The following COX7B variants were observed in gnomAD, a reference collection of about 807,000 sequenced individuals.
COX7B encodes the protein cytochrome c oxidase subunit 7B.
Under a neutral mutation model 7.9 loss-of-function variants are expected in COX7B, and 2 were observed. The ratio of observed to expected loss-of-function variants is 0.25; its 90% CI spans 0.10 to 0.79. The LOEUF is 0.79. COX7B is among the 30% of genes least tolerant of loss of function. COX7B has a pLI of 0.69. For missense variants in COX7B, 54 were observed against 62.7 expected (o/e 0.86, Z 0.47); for synonymous variants, 19 against 21.1 (o/e 0.90, Z 0.27).
intron 1 of COX7B, 52 bp downstream of exon 1, chrX:77,899,645 C>T (rs1184107602): frequency 2.8e-5 from 31 of 1,110,768 alleles, no homozygotes; most frequent in Non-Finnish European, 3.7e-5. Context: ...TCAATGTGTC[C>T]TCGCGGCCTC....
chrX:77,900,763 G>T (rs1557220586), intron 1 of COX7B, among the ~76,000 whole-genome samples: 1 of 112,589 alleles, frequency 8.9e-6, no homozygotes. Context: ...ATATGATTTA[G>T]CCTCTCTCAA....
In COX7B at chrX:77,902,663, A is replaced by C. The variant is rs781794203; in HGVS notation, c.61A>C (p.Met21Leu). The change falls in exon 2 of 3, where the codon ATG becomes CTG. Residue 21 changes from methionine to leucine, a missense_variant. Met to Leu is a conservative substitution (Grantham distance 15). Coordinates refer to ENST00000650309, the MANE Select transcript of COX7B (RefSeq NM_001866.3). ...GTAAGTTCGAAGCATTCAGCAAACAATGGCAAGGCAGAGCCACCAGAAACG... is the reference window on the plus strand; with the variant it reads ...GTAAGTTCGAAGCATTCAGCAAACACTGGCAAGGCAGAGCCACCAGAAACG... ...RLQVRSIQQT[M>L]ARQSHQKRTP... The C allele has an allele frequency of 5.0e-6, 6 of 1,209,778 alleles. No homozygotes were observed. The highest frequency in any genetic ancestry group is 5.6e-6 in the Non-Finnish European group (5 of 895,122).
intron 1 of COX7B, among the ~76,000 whole-genome samples, chrX:77,901,021 G>GT (rs1264686027): frequency 1.1e-4 from 12 of 107,452 alleles, no homozygotes; most frequent in East Asian, 5.8e-4. Context: ...AAGGTTTTTT[G>GT]TTTTTTTTTC....
intron 1 of COX7B, among the ~76,000 whole-genome samples, chrX:77,901,266 A>G (rs1603366949): frequency 9.5e-6 from 1 of 104,819 alleles, no homozygotes; most frequent in Non-Finnish European, 1.9e-5. Flanking sequence ...TTTTTTTGAG[A>G]CAAAGTTTCG....
At position 77,907,298 on chromosome X, in the gene COX7B, T is replaced by C. The variant is rs1557221278; in HGVS notation, c.*2037T>C. 1 of 112,233 alleles carries C rather than the reference T, an allele frequency of 8.9e-6. No individual in the cohort carries two copies. Among genetic ancestry groups the C allele is most frequent in the African/African-American group, 3.2e-5 (1 of 30,958 alleles). The allele number at this position is 112,233 out of a possible 1,213,427, so 9.2% of individuals were successfully genotyped here. The stretch of plus-strand genomic sequence containing the variant: ...GAATGTTCAAAATAGTACTGAAGTA[T>C]TCAAATACATACAACCCTGAGCGAT... On this transcript the variant is annotated 3_prime_UTR_variant, in exon 3 of 3. Transcript: ENST00000650309.
intron 1 of COX7B, among the ~76,000 whole-genome samples, chrX:77,900,037 T>C (rs924199877): frequency 4.5e-5 from 5 of 111,838 alleles, no homozygotes; most frequent in Non-Finnish European, 9.4e-5. Flanking sequence ...ACAACCCAAA[T>C]GGTATCGATG....
chrX:77,902,742 C>G lies in COX7B; in HGVS notation c.140C>G (p.Thr47Ser), dbSNP rs781928139. The change falls in exon 2 of 3, where the codon ACT (threonine) becomes AGT (serine). Residue 47 changes from threonine to serine, a missense_variant. By Grantham distance (58) the Thr-to-Ser change is moderately conservative. Transcript: ENST00000650309. The part of the protein sequence containing the change: ...YGNAVLASGA[T>S]FCIVTWTYVA... ...AATGCTGTATTAGCTAGTGGAGCCA[C>G]TTTCTGTATTGTTACATGGACATAT... 3.3e-6 allele frequency: 4 copies of G among 1,206,841 alleles called. No individual in the cohort carries two copies. The highest frequency in any genetic ancestry group is 4.4e-5 in the Admixed American group (2 of 45,694).
chrX:77,903,620 T>A (rs1326093636), intron 2 of COX7B, among the ~76,000 whole-genome samples: 2 of 111,169 alleles, frequency 1.8e-5, no homozygotes, highest in Non-Finnish European at 3.8e-5. Context: ...AATAGAAAAT[T>A]GCTATCATAT....
At chrX:77,902,132 T>A (rs916969438) in intron 1 of COX7B, among the ~76,000 whole-genome samples, 3 of 112,143 alleles carry the variant, frequency 2.7e-5, no homozygotes, top group Non-Finnish European at 5.6e-5. Context: ...TGCTTTAATT[T>A]GAAGTTCATT....
rs782582689 is a variant in COX7B at position 77,907,220 on chromosome X, C to T, written c.*1959C>T. 1 of 111,508 alleles carries T rather than the reference C, an allele frequency of 9.0e-6. No homozygotes were observed. Among genetic ancestry groups the T allele is most frequent in the East Asian group, 2.8e-4 (1 of 3,558 alleles). The allele number at this position is 111,508 out of a possible 1,213,427, so 9.2% of individuals were successfully genotyped here. The stretch of plus-strand genomic sequence containing the variant: ...TAAATTAAGTTGCAAGTTTAGTAAC[C>T]ATATTGTACCACTGTTTGATAAATT... On this transcript the variant is annotated 3_prime_UTR_variant, in exon 3 of 3. Coordinates refer to ENST00000650309, the MANE Select transcript of COX7B (RefSeq NM_001866.3).
Position 77,905,277 on chromosome X carries a change from T to C in COX7B, c.*16T>C. ...GAATCAGTAATCATCCCAGCTGGTG[T>C]AATAATGAATTGTTTAAAAAACAGC... On this transcript the variant is annotated 3_prime_UTR_variant, in exon 3 of 3. Coordinates refer to ENST00000650309, the MANE Select transcript of COX7B (RefSeq NM_001866.3). 6.9e-6 allele frequency: 8 copies of C among 1,163,618 alleles called. No individual in the cohort carries two copies. Among genetic ancestry groups the C allele is most frequent in the Non-Finnish European group, 8.2e-6 (7 of 853,424 alleles).
intron 1 of COX7B, among the ~76,000 whole-genome samples, chrX:77,900,842 T>G (rs1397675410): frequency 1.8e-5 from 2 of 112,369 alleles, no homozygotes; most frequent in African/African-American, 6.5e-5. Flanking sequence ...TGTTGAGGAT[T>G]ATATGAGATC....
intron 2 of COX7B, chrX:77,903,022 G>GTT: frequency 1.0e-5 from 2 of 191,302 alleles, no homozygotes; most frequent in East Asian, 9.2e-5. Flanking sequence ...TGTTTTTTTT[G>GTT]TTTTTGTTTT....
At chrX:77,904,958 A>T (rs2077130229) in intron 2 of COX7B, among the ~76,000 whole-genome samples, 1 of 112,353 alleles carries the variant, frequency 8.9e-6, no homozygotes, top group South Asian at 3.6e-4. Context: ...AACAGTGAAG[A>T]TCTAGAACAT....
intron 2 of COX7B, among the ~76,000 whole-genome samples, chrX:77,903,453 C>G (rs1557220812): frequency 3.6e-5 from 4 of 110,204 alleles, no homozygotes; most frequent in Admixed American, 2.0e-4. Flanking sequence ...CTTGGTTTCC[C>G]AAAGTGCTAG....
In COX7B at chrX:77,906,923, C is replaced by T. The variant is rs1208879084; in HGVS notation, c.*1662C>T. On this transcript the variant is annotated 3_prime_UTR_variant, in exon 3 of 3. Coordinates refer to ENST00000650309, the MANE Select transcript of COX7B (RefSeq NM_001866.3). ...GCTTACAGGCATGAGACACCGCGCC[C>T]GGCTTATATATCATTACTTTCTTGG... The T allele has an allele frequency of 9.0e-6, 1 of 111,203 alleles. No individual in the cohort carries two copies. Among genetic ancestry groups the T allele is most frequent in the Non-Finnish European group, 1.9e-5 (1 of 53,070 alleles). The allele number at this position is 111,203 out of a possible 1,213,427, so 9.2% of individuals were successfully genotyped here. A position where few individuals can be genotyped will look rare whatever the true frequency, so the allele number is the denominator to read the frequency against.
At position 77,905,282 on chromosome X, in the gene COX7B, A is replaced by G; in HGVS notation, c.*21A>G. On this transcript the variant is annotated 3_prime_UTR_variant, in exon 3 of 3. Coordinates refer to ENST00000650309, the MANE Select transcript of COX7B (RefSeq NM_001866.3). Reference sequence around the variant, plus strand: ...AGTAATCATCCCAGCTGGTGTAATAATGAATTGTTTAAAAAACAGCTCATA... The same window carrying G: ...AGTAATCATCCCAGCTGGTGTAATAGTGAATTGTTTAAAAAACAGCTCATA... 1 of 1,155,279 alleles carries G rather than the reference A, an allele frequency of 8.7e-7. No homozygotes were observed. The highest frequency in any genetic ancestry group is 1.8e-5 in the African/African-American group (1 of 56,610).
intron 2 of COX7B, chrX:77,903,052 G>A: frequency 5.9e-6 from 1 of 170,905 alleles, no homozygotes; most frequent in Non-Finnish European, 1.1e-5. Flanking sequence ...TTAAGAAGAA[G>A]TCTTGCTGTG....
In COX7B at chrX:77,905,237, C is replaced by A; in HGVS notation, c.219C>A (p.Thr73=). 8.3e-7 allele frequency: 1 copy of A among 1,205,897 alleles called. No individual in the cohort carries two copies. Among genetic ancestry groups the A allele is most frequent in the Non-Finnish European group, 1.1e-6 (1 of 891,575 alleles). The change falls in exon 3 of 3, where the codon ACC becomes ACA. Residue 73 remains threonine (T), a synonymous_variant. Coordinates refer to ENST00000650309, the MANE Select transcript of COX7B (RefSeq NM_001866.3). ...EWNLSPVGRV[T]PKEWRNQ is the part of the protein sequence containing the mutation. ...ACCTGTCCCCTGTTGGCAGAGTTAC[C>A]CCAAAGGAATGGAGGAATCAGTAAT...
Sources: allele counts gnomAD v4.1 joint callset (sites outside exome capture counted in the v4.1 genomes callset), GRCh38; gene constraint gnomAD v4.1.1; transcripts MANE v1.5; gene names NCBI Gene and HGNC (gene_info 2026-07-23, HGNC 2026-07-21).